FOCAD: variants seen among roughly 807,000 people sequenced by gnomAD.
FOCAD encodes the protein KIAA1797.
Under a neutral mutation model 225.6 loss-of-function variants are expected in FOCAD, and 198 were observed. The ratio of observed to expected loss-of-function variants is 0.88; its 90% CI spans 0.78 to 0.99. The LOEUF is 0.99. FOCAD is among the 50% of genes least tolerant of loss of function. FOCAD has a pLI of 0.00. For synonymous variants in FOCAD, 897 were observed against 755.0 expected, an observed-to-expected ratio of 1.19 and a Z score of -3.08; for missense variants, 2,713 against 2,123.6, an observed-to-expected ratio of 1.28 and a Z score of -5.46.
intron 43 of FOCAD, among the ~76,000 whole-genome samples, 171 bp downstream of exon 43, chr9:20,993,499 A>G (rs1564257289): frequency 6.6e-6 from 1 of 152,220 alleles, no homozygotes; most frequent in Non-Finnish European, 1.5e-5. Flanking sequence ...TTGAACATAC[A>G]TAAGGAGATG....
At chr9:20,849,212 G>A (rs1158858598) in intron 15 of FOCAD, among the ~76,000 whole-genome samples, 1 of 151,726 alleles carries the variant, frequency 6.6e-6, no homozygotes, top group Non-Finnish European at 1.5e-5. Flanking sequence ...TAGACTCCAG[G>A]ACCCTCTACT....
chr9:20,724,225 C>A, intron 4 of FOCAD, among the ~76,000 whole-genome samples: 1 of 152,254 alleles, frequency 6.6e-6, no homozygotes, highest in East Asian at 1.9e-4. Context: ...AAACAGCTTT[C>A]TATTTTTTTT....
chr9:20,684,302 TGCG>T lies in FOCAD; in HGVS notation c.-33+11_-33+13del, dbSNP rs1374396540. The T allele has an allele frequency of 6.6e-6, 1 of 152,190 alleles. No homozygotes were observed. The highest frequency in any genetic ancestry group is 1.5e-5 in the Non-Finnish European group (1 of 68,068). 9.4% of individuals were successfully genotyped at this position (152,190 alleles called of 1,614,324 possible). On this transcript the variant is annotated intron_variant, in intron 1 of 43. Coordinates refer to ENST00000338382, the MANE Select transcript of FOCAD (RefSeq NM_001375567.1). ...CTTGTGGCAGAAGGGAGGTAAGCCGTGCGGGGCGGCGGGCTGCCACCGCTGCAC... is the reference window on the plus strand; with the variant it reads ...CTTGTGGCAGAAGGGAGGTAAGCCGTGGGCGGCGGGCTGCCACCGCTGCAC...
At chr9:20,686,736 T>C (rs1050165006) in intron 1 of FOCAD, among the ~76,000 whole-genome samples, 1 of 152,178 alleles carries the variant, frequency 6.6e-6, no homozygotes, top group Non-Finnish European at 1.5e-5. Flanking sequence ...AGATGCATGG[T>C]ATAATAAAGT....
chr9:20,701,863 C>T (rs1823983357), intron 1 of FOCAD, among the ~76,000 whole-genome samples: 1 of 152,134 alleles, frequency 6.6e-6, no homozygotes, highest in Non-Finnish European at 1.5e-5. Flanking sequence ...TTTGCATATG[C>T]TGATAAGCTG....
intron 1 of FOCAD, among the ~76,000 whole-genome samples, chr9:20,707,957 T>G (rs10125035): frequency 6.6e-6 from 1 of 152,068 alleles, no homozygotes; most frequent in East Asian, 1.9e-4. Flanking sequence ...TGGAAATACT[T>G]AGGGACTGGG....
In FOCAD at chr9:20,819,880, C is replaced by A; in HGVS notation, c.1540C>A (p.Pro514Thr). 6.5e-7 allele frequency: 1 copy of A among 1,539,342 alleles called. No individual in the cohort carries two copies. The highest frequency in any genetic ancestry group is 8.7e-7 in the Non-Finnish European group (1 of 1,143,530). ...ATATAATGATATATTGTATACTTTA[C>A]CTAAGCTTGGTGTTCACAAGGTTAG... ...ILYNDILYTL[P>T]KLGVHKVCIG... is the part of the protein sequence containing the mutation. The change falls in exon 12 of 44, where the codon CCT (proline) becomes ACT (threonine). Residue 514 changes from proline to threonine, a missense_variant. Pro to Thr is a conservative substitution (Grantham distance 38, BLOSUM62 -1). Transcript: ENST00000338382.
intron 15 of FOCAD, among the ~76,000 whole-genome samples, chr9:20,844,349 CTTTT>C (rs58468376): frequency 3.9e-5 from 3 of 77,250 alleles, no homozygotes; most frequent in African/African-American, 5.3e-5. Context: ...AGGAAATTTC[CTTTT>C]TTTTTTTTTT....
intron 21 of FOCAD, among the ~76,000 whole-genome samples, chr9:20,899,058 G>T (rs530303498): frequency 6.6e-6 from 1 of 152,008 alleles, no homozygotes; most frequent in East Asian, 1.9e-4. Flanking sequence ...TCTTGGAGAT[G>T]GGTATTGCTT....
intron 14 of FOCAD, among the ~76,000 whole-genome samples, chr9:20,822,057 T>C (rs968486187): frequency 6.7e-6 from 1 of 148,612 alleles, no homozygotes; most frequent in African/African-American, 2.5e-5. Context: ...GAATTGGGAG[T>C]TTGAATTTTA....
chr9:20,670,880 G>T (rs1200329967), intron 2 of FOCAD, among the ~76,000 whole-genome samples: 2 of 152,026 alleles, frequency 1.3e-5, no homozygotes, highest in Admixed American at 1.3e-4. Flanking sequence ...AATGATTTTT[G>T]GATTGTCTTT....
At chr9:20,760,356 T>C (rs1314767285) in intron 6 of FOCAD, among the ~76,000 whole-genome samples, 1 of 152,264 alleles carries the variant, frequency 6.6e-6, no homozygotes, top group African/African-American at 2.4e-5. Flanking sequence ...TGAAATTCCC[T>C]GGACTATAGG....
intron 1 of FOCAD, among the ~76,000 whole-genome samples, chr9:20,692,551 T>A (rs1823036303): frequency 6.6e-6 from 1 of 152,156 alleles, no homozygotes; most frequent in Admixed American, 6.5e-5. Flanking sequence ...GCAGCTTAGG[T>A]TGGACTTGGG....
chr9:20,789,495 A>T lies in FOCAD; in HGVS notation c.1342A>T (p.Ile448Phe), dbSNP rs777690905. Residue 448 changes from isoleucine (I) to phenylalanine (F), a missense_variant, in exon 11 of 44, where the codon ATC (isoleucine) becomes TTC (phenylalanine). By Grantham distance (21) the Ile-to-Phe change is conservative. Coordinates refer to ENST00000338382, the MANE Select transcript of FOCAD (RefSeq NM_001375567.1). The part of the protein sequence containing the change: ...VESLLPITAV[I>F]PAPAFLLLAH... ...GTCATTGCTTCCTATTACTGCTGTG[A>T]TCCCTGCGCCTGCCTTTCTTCTGCT... The T allele has an allele frequency of 5.6e-6, 9 of 1,613,956 alleles. No homozygotes were observed. In the Admixed American group the frequency reaches 1.3e-4, roughly 24 times the overall value.
At chr9:20,797,381 G>A (rs1462371059) in intron 11 of FOCAD, among the ~76,000 whole-genome samples, 1 of 152,128 alleles carries the variant, frequency 6.6e-6, no homozygotes, top group African/African-American at 2.4e-5. Flanking sequence ...GATGAGGATG[G>A]CATTCAATCT....
chr9:20,865,580 A>G (rs549116422), intron 16 of FOCAD, among the ~76,000 whole-genome samples: 12 of 152,164 alleles, frequency 7.9e-5, no homozygotes, highest in Admixed American at 2.0e-4. Context: ...CATGTGCCGT[A>G]TGGCCACATG....
At chr9:20,929,867 G>C (rs548396863) in intron 27 of FOCAD, among the ~76,000 whole-genome samples, 2 of 152,198 alleles carry the variant, frequency 1.3e-5, no homozygotes, top group African/African-American at 4.8e-5. Context: ...AAAGCCCCAG[G>C]TACCTATGTG....
In FOCAD at chr9:20,717,835, T is replaced by C. The variant is rs1366784712; in HGVS notation, c.99T>C (p.Gly33=). Reference sequence around the variant, plus strand: ...TTGCTGCAGTCCTAAAGGAAAATGGTTTTTCAGAAAAGATTCACCAATCTA... The same window carrying C: ...TTGCTGCAGTCCTAAAGGAAAATGGCTTTTCAGAAAAGATTCACCAATCTA... ...HLIAAVLKEN[G]FSEKIHQSTN... Residue 33 remains glycine (G), a synonymous_variant, in exon 3 of 44, where the codon GGT becomes GGC. Coordinates refer to ENST00000338382, the MANE Select transcript of FOCAD (RefSeq NM_001375567.1). 19 of 1,612,586 alleles carry C rather than the reference T, an allele frequency of 1.2e-5. No individual in the cohort carries two copies. In the Admixed American group the frequency reaches 3.2e-4, roughly 27 times the overall value.
intron 9 of FOCAD, among the ~76,000 whole-genome samples, chr9:20,779,883 G>T (rs998693191): frequency 6.6e-6 from 1 of 152,256 alleles, no homozygotes; most frequent in South Asian, 2.1e-4. Context: ...AGCACATGGA[G>T]GGGATCCTTG....
Sources: gnomAD v4.1 joint callset for allele counts (sites outside exome capture counted in the v4.1 genomes callset) on GRCh38, gnomAD v4.1.1 for gene constraint, MANE v1.5 for transcripts, NCBI Gene and HGNC (gene_info 2026-07-23, HGNC 2026-07-21) for gene names.